Variants in PALM2AKAP2 observed in about 807,000 individuals in gnomAD.
PALM2AKAP2 encodes PALM2 and AKAP2 fusion.
Under a neutral mutation model 71.5 loss-of-function variants are expected in PALM2AKAP2, and 37 were observed. The ratio of observed to expected loss-of-function variants is 0.52; its 90% confidence interval spans 0.40 to 0.68. The LOEUF (loss-of-function observed/expected upper bound fraction) is 0.68, where lower values mean the gene tolerates loss of function less well. PALM2AKAP2 is among the 30% of genes least tolerant of loss of function. PALM2AKAP2 has a pLI of 0.00. For missense variants in PALM2AKAP2, 1,224 were observed against 1,191.8 expected (o/e 1.03, Z -0.40); for synonymous variants, 468 against 478.8 (o/e 0.98, Z 0.29).
chr9:109,929,679 A>T (rs2131985323), intron 5 of PALM2AKAP2, among the ~76,000 whole-genome samples: 1 of 152,024 alleles, frequency 6.6e-6, no homozygotes, highest in South Asian at 2.1e-4. Flanking sequence ...CCTGGCTAAC[A>T]CAGTGAAACC....
chr9:110,014,554 C>A (rs559956685), intron 6 of PALM2AKAP2, among the ~76,000 whole-genome samples: 1 of 151,616 alleles, frequency 6.6e-6, no homozygotes, highest in Non-Finnish European at 1.5e-5. Context: ...GGGCACATCA[C>A]GTGAGGTCAG....
At chr9:109,841,410 A>G (rs1313822940) in intron 1 of PALM2AKAP2, among the ~76,000 whole-genome samples, 3 of 147,096 alleles carry the variant, frequency 2.0e-5, no homozygotes, top group African/African-American at 5.1e-5. Flanking sequence ...AGATATACCT[A>G]ATGTAAATGA....
chr9:110,065,916 A>T (rs1273775327), intron 1 of PALM2AKAP2, among the ~76,000 whole-genome samples: 1 of 152,188 alleles, frequency 6.6e-6, no homozygotes, highest in Non-Finnish European at 1.5e-5. Context: ...ATAATGTCCC[A>T]TTGTGTTTAT....
intron 1 of PALM2AKAP2, among the ~76,000 whole-genome samples, chr9:109,682,560 C>T (rs797017825): frequency 5.3e-5 from 8 of 152,278 alleles, no homozygotes; most frequent in East Asian, 1.9e-4. Flanking sequence ...TAACCAAGGC[C>T]ATTTGACGAC....
At chr9:110,070,538 C>T (rs1355405219) in intron 1 of PALM2AKAP2, among the ~76,000 whole-genome samples, 1 of 152,170 alleles carries the variant, frequency 6.6e-6, no homozygotes, top group African/African-American at 2.4e-5. Context: ...CTCATTTTTA[C>T]AGACCAGAGG....
intron 1 of PALM2AKAP2, among the ~76,000 whole-genome samples, chr9:109,862,326 A>T: frequency 6.6e-6 from 1 of 152,244 alleles, no homozygotes; most frequent in East Asian, 1.9e-4. Context: ...GGCTTCATGC[A>T]TGACTAGATC....
At chr9:110,006,358 C>CTTTCTTTCTTTCTTTCTT (rs1554736943) in intron 6 of PALM2AKAP2, among the ~76,000 whole-genome samples, 35 of 126,746 alleles carry the variant, frequency 2.8e-4, no homozygotes, top group African/African-American at 1.0e-3. Context: ...TTCTTTCTTT[C>CTTTCTTTCTTTCTTTCTT]TTTCTTTCTT....
intron 1 of PALM2AKAP2, among the ~76,000 whole-genome samples, chr9:109,711,408 G>A (rs1744002347): frequency 6.6e-6 from 1 of 152,194 alleles, no homozygotes; most frequent in African/African-American, 2.4e-5. Context: ...GAGTCTCACA[G>A]ATCAATTAAT....
intron 3 of PALM2AKAP2, among the ~76,000 whole-genome samples, chr9:109,899,813 A>C (rs1467027145): frequency 6.6e-6 from 1 of 152,160 alleles, no homozygotes; most frequent in Non-Finnish European, 1.5e-5. Flanking sequence ...CTCCTACTGA[A>C]CCATCAAGTC....
intron 6 of PALM2AKAP2, among the ~76,000 whole-genome samples, chr9:109,941,281 G>C (rs1197240959): frequency 6.6e-6 from 1 of 151,686 alleles, no homozygotes; most frequent in Non-Finnish European, 1.5e-5. Flanking sequence ...TTCTAGACTA[G>C]AGCAAGAAGA....
At chr9:109,842,476 A>T (rs953460419) in intron 1 of PALM2AKAP2, among the ~76,000 whole-genome samples, 1 of 152,212 alleles carries the variant, frequency 6.6e-6, no homozygotes, top group Non-Finnish European at 1.5e-5. Flanking sequence ...TACGCAGAAT[A>T]CATTATCCAG....
chr9:109,842,283 G>A (rs963223940), intron 1 of PALM2AKAP2, among the ~76,000 whole-genome samples: 34 of 152,152 alleles, frequency 2.2e-4, no homozygotes, highest in Non-Finnish European at 3.4e-4. Flanking sequence ...CAAGAAATTA[G>A]GCTTTACAAA....
chr9:109,946,426 A>G (rs1258816965), intron 6 of PALM2AKAP2: 1 of 151,966 alleles, frequency 6.6e-6, no homozygotes, highest in Non-Finnish European at 1.5e-5. Context: ...AGCGGCTCAC[A>G]CCTGTAATCT....
chr9:109,968,926 G>A (rs1441961200), intron 6 of PALM2AKAP2, among the ~76,000 whole-genome samples: 2 of 152,078 alleles, frequency 1.3e-5, no homozygotes, highest in African/African-American at 4.8e-5. Flanking sequence ...TTCCTCTCCG[G>A]GCTATAAAAC....
exon 4 of PALM2AKAP2, chr9:110,168,789 A>T: frequency 3.2e-6 from 1 of 314,696 alleles, no homozygotes; most frequent in Non-Finnish European, 5.9e-6. Flanking sequence ...ACATGTTACA[A>T]GCAAATCAAC....
At chr9:109,849,807 GGAGA>G (rs1178154705) in intron 1 of PALM2AKAP2, among the ~76,000 whole-genome samples, 1 of 151,824 alleles carries the variant, frequency 6.6e-6, no homozygotes, top group Non-Finnish European at 1.5e-5. Context: ...GAGAGAGAGA[GGAGA>G]GAGAGAGAGA....
At chr9:109,660,141 A>C (rs924141853) in intron 1 of PALM2AKAP2, among the ~76,000 whole-genome samples, 6 of 152,318 alleles carry the variant, frequency 3.9e-5, no homozygotes, top group South Asian at 4.1e-4. Context: ...ACCCAAAAAC[A>C]ACTCTTTCAG....
chr9:109,800,799 A>G (rs778340983), intron 1 of PALM2AKAP2, among the ~76,000 whole-genome samples: 13 of 152,240 alleles, frequency 8.5e-5, no homozygotes, highest in Non-Finnish European at 1.3e-4. Context: ...ATTGTAAGAA[A>G]TGGAGTATTC....
rs530429563 is a variant in PALM2AKAP2, at chr9:109,677,626, C to T, written c.5+36760C>T. On this transcript the variant is annotated intron_variant, in intron 1 of 6. Coordinates refer to the PALM2AKAP2 transcript ENST00000374531. ...GAGGTTGCAGTGAGCAGAGATCGTG[C>T]CACTGCACTCCAGCCTGGGTAACAG... 1.2e-3 allele frequency among the ~76,000 whole-genome samples: 178 copies of T among 151,446 alleles called. 1 individual carries two copies. The highest frequency in any genetic ancestry group is 4.0e-3 in the African/African-American group (165 of 41,192).
Sources: allele counts gnomAD v4.1 joint callset (sites outside exome capture counted in the v4.1 genomes callset), GRCh38; gene constraint gnomAD v4.1.1; transcripts MANE v1.5; gene names NCBI Gene and HGNC (gene_info 2026-07-23, HGNC 2026-07-21).